NHSL1: variants seen among roughly 807,000 people sequenced by gnomAD.
The protein encoded by NHSL1 is NHS like 1, also known as NHS-like protein 1.
A neutral mutation model predicts 95.0 loss-of-function variants in NHSL1; 48 were observed. That is an observed-to-expected ratio of 0.51 (90% CI 0.40 to 0.64). The LOEUF (loss-of-function observed/expected upper bound fraction) is 0.64, where lower values mean the gene tolerates loss of function less well. Ranked by LOEUF, NHSL1 falls within the 30% of genes least tolerant of loss-of-function variation. The pLI, the probability that NHSL1 is intolerant of heterozygous loss-of-function variation, is 0.00. For synonymous variants in NHSL1, 783 were observed against 833.9 expected, an observed-to-expected ratio of 0.94 and a Z score of 1.05; for missense variants, 1,971 against 2,077.7, an observed-to-expected ratio of 0.95 and a Z score of 1.00.
intron 1 of NHSL1, among the ~76,000 whole-genome samples, chr6:138,609,955 A>T (rs1666355265): frequency 1.3e-5 from 2 of 152,064 alleles, no homozygotes; most frequent in South Asian, 2.1e-4. Flanking sequence ...TGAAATGTCC[A>T]TTTTAAGGCA....
Position 138,433,615 on chromosome 6 carries a change from G to T in NHSL1, c.730C>A (p.Leu244Ile), listed in dbSNP as rs1335699549. ...GACCGACAGCTATTGAACCTTCCTA[G>T]TGTAGAGTAGTGATCAGGGGTGTAC... ...SVYTPDHYST[L>I]GRFNSCRSAG... The change falls in exon 6 of 8, where the codon CTA becomes ATA. Residue 244 changes from leucine to isoleucine, a missense_variant. This residue lies in a region of NHSL1 where 1,602 missense variants were observed against 1,654.5 expected (regional missense o/e 0.97). Coordinates refer to ENST00000343505, the MANE Select transcript of NHSL1 (RefSeq NM_001144060.2). 6.4e-7 allele frequency: 1 copy of T among 1,552,006 alleles called. No homozygotes were observed. The highest frequency in any genetic ancestry group is 8.7e-7 in the Non-Finnish European group (1 of 1,147,086).
chr6:138,646,294 C>T (rs1247500633), intron 1 of NHSL1, among the ~76,000 whole-genome samples: 1 of 152,106 alleles, frequency 6.6e-6, no homozygotes, highest in African/African-American at 2.4e-5. Context: ...CCCCTAACTC[C>T]AAAGAACCTG....
intron 1 of NHSL1, among the ~76,000 whole-genome samples, chr6:138,654,913 A>G (rs1410908358): frequency 6.6e-6 from 1 of 152,240 alleles, no homozygotes; most frequent in Non-Finnish European, 1.5e-5. Context: ...CATGAATGAT[A>G]TGAGTCAGAG....
chr6:138,581,184 G>A (rs1255025846), intron 1 of NHSL1, among the ~76,000 whole-genome samples: 1 of 152,204 alleles, frequency 6.6e-6, no homozygotes, highest in Non-Finnish European at 1.5e-5. Context: ...ATGCAGTGGA[G>A]TACCAATGGG....
chr6:138,539,833 T>C (rs1782510756), intron 1 of NHSL1, among the ~76,000 whole-genome samples: 1 of 152,188 alleles, frequency 6.6e-6, no homozygotes, highest in South Asian at 2.1e-4. Flanking sequence ...GCTCTTTCAG[T>C]CCATAGGGTA....
chr6:138,546,519 G>A (rs917006589), upstream of NHSL1, among the ~76,000 whole-genome samples: 1 of 151,084 alleles, frequency 6.6e-6, no homozygotes, highest in Non-Finnish European at 1.5e-5. Context: ...TGAGGAGGGA[G>A]GATTGTTTGA....
chr6:138,574,975 T>C (rs1171441599), upstream of NHSL1, among the ~76,000 whole-genome samples: 2 of 152,154 alleles, frequency 1.3e-5, no homozygotes, highest in Non-Finnish European at 2.9e-5. Context: ...TCTCAGCTCA[T>C]CACAACCTCT....
At chr6:138,425,289 G>A (rs1255329219) in intron 7 of NHSL1, among the ~76,000 whole-genome samples, 1 of 151,994 alleles carries the variant, frequency 6.6e-6, no homozygotes, top group African/African-American at 2.4e-5. Context: ...TAGAGACGGG[G>A]TTTTGCCATG....
At chr6:138,568,012 T>C (rs1265585191) in intron 1 of NHSL1, among the ~76,000 whole-genome samples, 8 of 152,190 alleles carry the variant, frequency 5.3e-5, no homozygotes, top group Admixed American at 6.5e-5. Context: ...CCACCTCTTT[T>C]AGTTTTATTT....
chr6:138,531,443 G>C lies in NHSL1; in HGVS notation c.16+14180C>G, dbSNP rs183733047. ...TGTAACTTTTGTAACTTCAAATAAG[G>C]GGGCAGGGTAACGCTTTCCATTTTG... On this transcript the variant is annotated intron_variant, in intron 1 of 4. Coordinates refer to the NHSL1 transcript ENST00000342260. 4.5e-4 allele frequency among the ~76,000 whole-genome samples: 69 copies of C among 152,138 alleles called. 1 individual carries two copies. In the East Asian group the frequency reaches 9.7e-3, roughly 21 times the overall value.
chr6:138,619,947 C>CAAAAA (rs11376703), intron 1 of NHSL1, among the ~76,000 whole-genome samples: 51 of 102,086 alleles, frequency 5.0e-4, no homozygotes, highest in African/African-American at 1.3e-3. Context: ...AACTCTATCA[C>CAAAAA]AAAAAAAAAA....
chr6:138,637,614 G>A (rs1784904149), intron 1 of NHSL1, among the ~76,000 whole-genome samples: 1 of 152,122 alleles, frequency 6.6e-6, no homozygotes, highest in Non-Finnish European at 1.5e-5. Flanking sequence ...ATGGCTAACA[G>A]GCATATGAAA....
intron 2 of NHSL1, among the ~76,000 whole-genome samples, chr6:138,476,815 G>A (rs141901873): frequency 9.9e-5 from 15 of 151,974 alleles, no homozygotes; most frequent in African/African-American, 3.6e-4. Context: ...CAACAAGAGC[G>A]AAACTCCATC....
intron 1 of NHSL1, among the ~76,000 whole-genome samples, chr6:138,649,806 G>T (rs1785065291): frequency 6.6e-6 from 1 of 152,198 alleles, no homozygotes; most frequent in South Asian, 2.1e-4. Flanking sequence ...CGAAGAAGGA[G>T]AATGATGCTC....
At chr6:138,533,752 A>C (rs1782230405) in intron 1 of NHSL1, among the ~76,000 whole-genome samples, 1 of 152,094 alleles carries the variant, frequency 6.6e-6, no homozygotes, top group African/African-American at 2.4e-5. Flanking sequence ...TTCCTTGGTG[A>C]GTAAATCCTT....
chr6:138,650,262 A>T (rs566132648), intron 1 of NHSL1: 3 of 647,098 alleles, frequency 4.6e-6, no homozygotes, highest in South Asian at 2.9e-5. Flanking sequence ...CCAGTGGAAA[A>T]GCAGGCTGGA....
At position 138,442,020 on chromosome 6, in the gene NHSL1, A is replaced by G. The variant is rs899100684; in HGVS notation, c.627T>C (p.Thr209=). The G allele has an allele frequency of 2.1e-5, 32 of 1,551,308 alleles. No individual in the cohort carries two copies. The highest frequency in any genetic ancestry group is 1.7e-4 in the Middle Eastern group (1 of 5,972). Reference sequence around the variant, plus strand: ...GTATGTTGTCAGGGACTCCTGTAATAGTCTTTCTCCTTTTGACTTTCTTCG... The same window carrying G: ...GTATGTTGTCAGGGACTCCTGTAATGGTCTTTCTCCTTTTGACTTTCTTCG... ...RRPKKVKRRK[T]ITGVPDNIQK... Residue 209 remains threonine (T), a synonymous_variant, in exon 5 of 8, where the codon ACT becomes ACC. Transcript: ENST00000343505.
chr6:138,653,611 G>A (rs959814968), intron 1 of NHSL1, among the ~76,000 whole-genome samples: 2 of 152,102 alleles, frequency 1.3e-5, no homozygotes, highest in Admixed American at 6.6e-5. Context: ...GTTATGATTG[G>A]CAACTTATTT....
chr6:138,643,398 A>C (rs762841192), intron 1 of NHSL1, among the ~76,000 whole-genome samples: 69 of 152,164 alleles, frequency 4.5e-4, no homozygotes, highest in Non-Finnish European at 9.0e-4. Flanking sequence ...ATTATCACCC[A>C]GAGTCCATAG....
Sources: gnomAD v4.1 joint callset for allele counts (sites outside exome capture counted in the v4.1 genomes callset) on GRCh38, gnomAD v4.1.1 for gene constraint, gnomAD v4.1.1 regional missense constraint, MANE v1.5 for transcripts, NCBI Gene and HGNC (gene_info 2026-07-23, HGNC 2026-07-21) for gene names.